Variants in WAPL observed in about 807,000 individuals in gnomAD.
WAPL encodes WAPL cohesin release factor, also known as wings apart-like protein homolog.
WAPL carries 5 observed loss-of-function variants against 121.0 expected under a neutral mutation model. The ratio of observed to expected loss-of-function variants is 0.04; its 90% confidence interval spans 0.02 to 0.09. The LOEUF (loss-of-function observed/expected upper bound fraction) is 0.09, where lower values mean the gene tolerates loss of function less well. WAPL is among the 10% of genes least tolerant of loss of function. The pLI is 1.00. For synonymous variants in WAPL, 480 were observed against 481.5 expected (o/e 1.00, Z 0.04); for missense variants, 999 against 1,410.8 (o/e 0.71, Z 4.68).
chr10:86,467,127 A>C (rs1841416923), intron 9 of WAPL, 152 bp downstream of exon 9: 11 of 664,732 alleles, frequency 1.7e-5, no homozygotes, highest in Non-Finnish European at 2.3e-5. Context: ...CAAGGAATGA[A>C]ATTATGCTCA....
intron 8 of WAPL, among the ~76,000 whole-genome samples, chr10:86,468,406 G>A (rs956385756): frequency 2.0e-5 from 3 of 151,636 alleles, no homozygotes; most frequent in African/African-American, 4.8e-5. Context: ...CCATGTTGCC[G>A]AGGCTGGTCC....
intron 9 of WAPL, among the ~76,000 whole-genome samples, chr10:86,462,689 TC>T (rs1295627910): frequency 8.1e-6 from 1 of 123,416 alleles, no homozygotes; most frequent in Non-Finnish European, 1.6e-5. Context: ...GCCACTGCAC[TC>T]CAACCTGGGC....
In WAPL at chr10:86,518,194, A is replaced by G. The variant is rs185667820; in HGVS notation, c.-22-103T>C. The G allele has an allele frequency of 8.0e-6, 9 of 1,120,838 alleles. No individual in the cohort carries two copies. In the East Asian group the frequency reaches 2.3e-4, roughly 29 times the overall value. 69.4% of individuals were successfully genotyped at this position (1,120,838 alleles called of 1,614,324 possible). A position where few individuals can be genotyped will look rare whatever the true frequency, so the allele number is the denominator to read the frequency against. On this transcript the variant is annotated intron_variant, in intron 1 of 18. Transcript: ENST00000298767. ...GGATTCTTCCCTCATGACTTTTGAC[A>G]CTCACCACACAGACTTTTAAATAAA... is the stretch of plus-strand genomic sequence containing the variant.
intron 11 of WAPL, 21 bp from the exon 12 acceptor site, chr10:86,459,086 A>G (rs1377790102): frequency 1.3e-6 from 2 of 1,588,834 alleles, no homozygotes; most frequent in Non-Finnish European, 1.7e-6. Context: ...AGAATATGAA[A>G]TAATTGTGGC....
Position 86,480,866 on chromosome 10 carries a change from TA to T in WAPL, c.1645-6894del, listed in dbSNP as rs535202212. 2.3e-4 allele frequency among the ~76,000 whole-genome samples: 35 copies of T among 152,260 alleles called. No homozygotes were observed. The South Asian group carries it at 7.3e-3, about 32-fold the overall frequency. On this transcript the variant is annotated intron_variant, in intron 4 of 18. Transcript: ENST00000298767. ...TTCTAGTTCCTTCTATCTTAATCAA[TA>T]GTCCAGAAATGGTAGAATACCACCA...
chr10:86,501,684 T>C (rs1359136160), intron 2 of WAPL, among the ~76,000 whole-genome samples: 1 of 152,176 alleles, frequency 6.6e-6, no homozygotes, highest in Non-Finnish European at 1.5e-5. Context: ...CCCAATAGGT[T>C]TTCCTGCCCT....
Position 86,518,257 on chromosome 10 carries a change from TTACCCTAC to T in WAPL, c.-22-174_-22-167del, listed in dbSNP as rs1159456623. Reference sequence around the variant, plus strand: ...AGGGGTATAAAGAAAGGCTGATTTATTACCCTACATGCTTCCATGTCAATTTTCCTCCA... The same window carrying T: ...AGGGGTATAAAGAAAGGCTGATTTATATGCTTCCATGTCAATTTTCCTCCA... On this transcript the variant is annotated intron_variant, in intron 1 of 18. Transcript: ENST00000298767. Among the ~76,000 whole-genome samples, 6 of 152,226 alleles carry T rather than the reference TTACCCTAC, an allele frequency of 3.9e-5. No individual in the cohort carries two copies. The East Asian group carries it at 1.2e-3, about 29-fold the overall frequency.
chr10:86,507,104 A>G (rs1177142056), intron 2 of WAPL, among the ~76,000 whole-genome samples: 2 of 151,172 alleles, frequency 1.3e-5, no homozygotes, highest in East Asian at 3.9e-4. Context: ...ATGGTGGCTC[A>G]CACCTGTAAT....
chr10:86,457,849 A>T (rs1006008880), intron 12 of WAPL, among the ~76,000 whole-genome samples: 3 of 152,184 alleles, frequency 2.0e-5, no homozygotes. Context: ...CACTGGGGTT[A>T]TATTTTTTAA....
chr10:86,469,544 G>A (rs1019133006), intron 8 of WAPL, among the ~76,000 whole-genome samples: 5 of 151,934 alleles, frequency 3.3e-5, no homozygotes, highest in Admixed American at 6.6e-5. Flanking sequence ...ATGAGCCACC[G>A]CACCTGGCCA....
At chr10:86,463,404 A>G (rs868711100) in intron 9 of WAPL, among the ~76,000 whole-genome samples, 2 of 152,224 alleles carry the variant, frequency 1.3e-5, no homozygotes, top group Non-Finnish European at 2.9e-5. Context: ...AAACCTTCCA[A>G]TGGGACAAGA....
chr10:86,511,126 G>T (rs1359528996), intron 2 of WAPL, among the ~76,000 whole-genome samples: 1 of 152,078 alleles, frequency 6.6e-6, no homozygotes, highest in Non-Finnish European at 1.5e-5. Flanking sequence ...ACCATGCCTG[G>T]CCCATCATTC....
Position 86,472,493 on chromosome 10 carries a change from G to C in WAPL, c.1893+119C>G. 1 of 1,505,872 alleles carries C rather than the reference G, an allele frequency of 6.6e-7. No individual in the cohort carries two copies. The highest frequency in any genetic ancestry group is 8.9e-7 in the Non-Finnish European group (1 of 1,122,558). The allele number at this position is 1,505,872 out of a possible 1,614,324, so 93.3% of individuals were successfully genotyped here. ...GAACAAGGATGATGGTAGGACAAAA[G>C]AAGTTTGTGGTTCAAAACTGAGTAT... On this transcript the variant is annotated intron_variant, in intron 6 of 18. Coordinates refer to ENST00000298767, the MANE Select transcript of WAPL (RefSeq NM_015045.5). The surrounding 1 kb of genome is among the most constrained non-coding windows in gnomAD (Gnocchi z 4.2).
chr10:86,521,754 C>A lies in WAPL; in HGVS notation c.-412G>T. ...ATCTCAACGCCATTTGCGCTCCCGG[C>A]CCCCACCTCCTTCCTCCAACAGCCG... is the stretch of plus-strand genomic sequence containing the variant. On this transcript the variant is annotated 5_prime_UTR_variant, in exon 1 of 19. Transcript: ENST00000298767. 6.7e-6 allele frequency: 3 copies of A among 445,812 alleles called. No homozygotes were observed. The highest frequency in any genetic ancestry group is 3.2e-5 in the South Asian group (2 of 61,678). 27.6% of individuals were successfully genotyped at this position (445,812 alleles called of 1,614,324 possible).
chr10:86,467,571 A>T, intron 8 of WAPL, 65 bp from the exon 9 acceptor site: 1 of 1,168,386 alleles, frequency 8.6e-7, no homozygotes, highest in Non-Finnish European at 1.2e-6. Context: ...CATCTCAGGA[A>T]ATAAGACTAT....
chr10:86,480,096 T>C (rs1051099806), intron 4 of WAPL, among the ~76,000 whole-genome samples: 3 of 152,194 alleles, frequency 2.0e-5, no homozygotes, highest in Non-Finnish European at 2.9e-5. Flanking sequence ...CTATCAAGAA[T>C]TAGAAATTGT....
rs771345684 is a variant in WAPL at position 86,438,074 on chromosome 10, G to A, written c.3412-59C>T. The A allele has an allele frequency of 1.7e-5, 22 of 1,278,508 alleles. 1 individual carries two copies. Among genetic ancestry groups the A allele is most frequent in the Middle Eastern group, 3.8e-4 (2 of 5,288 alleles). The allele number at this position is 1,278,508 out of a possible 1,614,324, so 79.2% of individuals were successfully genotyped here. A position where few individuals can be genotyped will look rare whatever the true frequency, so the allele number is the denominator to read the frequency against. On this transcript the variant is annotated intron_variant, in intron 17 of 18. Transcript: ENST00000298767. The stretch of plus-strand genomic sequence containing the variant: ...GGCAGAAAACATGAGATTGCACCTC[G>A]TACAATGTTGTTGGTTTTGACACAC...
chr10:86,515,378 A>G (rs1842536127), intron 2 of WAPL, among the ~76,000 whole-genome samples: 1 of 152,116 alleles, frequency 6.6e-6, no homozygotes, highest in Non-Finnish European at 1.5e-5. Context: ...TATGTTGATA[A>G]TAAACGAATC....
chr10:86,453,746 G>A lies in WAPL; in HGVS notation c.2743C>T (p.His915Tyr), dbSNP rs1841061303. The A allele has an allele frequency of 6.2e-7, 1 of 1,614,164 alleles. No individual in the cohort carries two copies. The highest frequency in any genetic ancestry group is 8.5e-7 in the Non-Finnish European group (1 of 1,180,028). The change falls in exon 13 of 19, where the codon CAC becomes TAC. Residue 915 changes from histidine (H) to tyrosine (Y), a missense_variant. Coordinates refer to ENST00000298767, the MANE Select transcript of WAPL (RefSeq NM_015045.5). ...CCTACATGGTTAGTTACATTCTGGTGAGGCAGAGGCTTACTGTCAGCTAAG... is the reference window on the plus strand; with the variant it reads ...CCTACATGGTTAGTTACATTCTGGTAAGGCAGAGGCTTACTGTCAGCTAAG... Reference protein sequence around the residue: ...ICLADSKPLPHQNVTNHVGKA... With the variant: ...ICLADSKPLPYQNVTNHVGKA...
Sources: allele counts gnomAD v4.1 joint callset (sites outside exome capture counted in the v4.1 genomes callset), GRCh38; gene constraint gnomAD v4.1.1; non-coding constraint Gnocchi (gnomAD v3.1); transcripts MANE v1.5; gene names NCBI Gene and HGNC (gene_info 2026-07-23, HGNC 2026-07-21).